MRO: variants seen among roughly 807,000 people sequenced by gnomAD.
MRO encodes maestro, also known as protein maestro.
MRO carries 28 observed loss-of-function variants against 31.0 expected under a neutral mutation model. That is an observed-to-expected ratio of 0.90 (90% CI 0.67 to 1.24). The LOEUF (loss-of-function observed/expected upper bound fraction) is 1.24. MRO is among the 50% of genes most tolerant of loss of function. The pLI is 0.00. For missense variants in MRO, 332 were observed against 289.2 expected (o/e 1.15, Z -1.07); for synonymous variants, 108 against 108.4 (o/e 1.00, Z 0.02).
chr18:50,795,333 T>C lies in MRO; in HGVS notation c.*4004A>G, dbSNP rs867654043. ...TCATTTTAAAAGGGCATTTTGCATG[T>C]GTTTTATAACTATGAAAGTAATACA... On this transcript the variant is annotated 3_prime_UTR_variant, in exon 8 of 8. Transcript: ENST00000398439. The C allele has an allele frequency of 2.6e-5, 4 of 152,224 alleles. No individual in the cohort carries two copies. Among genetic ancestry groups the C allele is most frequent in the Non-Finnish European group, 4.4e-5 (3 of 68,042 alleles). 9.4% of individuals were successfully genotyped at this position (152,224 alleles called of 1,614,324 possible).
At chr18:50,812,594 G>T (rs772823079) in intron 2 of MRO, among the ~76,000 whole-genome samples, 1 of 152,084 alleles carries the variant, frequency 6.6e-6, no homozygotes, top group African/African-American at 2.4e-5. Flanking sequence ...CACATCTAAG[G>T]TCATGAAGAT....
chr18:50,809,352 T>C lies in MRO; in HGVS notation c.49A>G (p.Thr17Ala), dbSNP rs1228176693. The C allele has an allele frequency of 6.2e-7, 1 of 1,613,634 alleles. No homozygotes were observed. The highest frequency in any genetic ancestry group is 1.7e-5 in the Admixed American group (1 of 59,984). The change falls in exon 3 of 8, where the codon ACT becomes GCT. Residue 17 changes from threonine to alanine, a missense_variant. By Grantham distance (58) the Thr-to-Ala change is moderately conservative. Transcript: ENST00000398439. ...GTCCTTTTCTGCTTGGGCTGGGAAG[T>C]AGGGATGGAAAGGGGCTGGCCCAGG... ...RILGQPLSIP[T>A]SQPKQKRTSM...
At chr18:50,814,568 C>T (rs925969466) in intron 2 of MRO, 7 of 209,066 alleles carry the variant, frequency 3.3e-5, no homozygotes, top group Admixed American at 2.9e-4. Context: ...GTGACTTACG[C>T]TCATGCAGCA....
At chr18:50,806,088 C>A (rs1290630697) in intron 4 of MRO, among the ~76,000 whole-genome samples, 1 of 151,994 alleles carries the variant, frequency 6.6e-6, no homozygotes, top group Non-Finnish European at 1.5e-5. Context: ...CATGCCTGGG[C>A]AATTTTTTGT....
chr18:50,810,363 G>A (rs897897961), intron 2 of MRO, among the ~76,000 whole-genome samples: 3 of 152,186 alleles, frequency 2.0e-5, no homozygotes, highest in Admixed American at 6.5e-5. Flanking sequence ...TAATCTCCAC[G>A]ATATACTGTT....
intron 2 of MRO, among the ~76,000 whole-genome samples, chr18:50,817,919 G>T (rs1915060228): frequency 6.6e-6 from 1 of 152,084 alleles, no homozygotes; most frequent in African/African-American, 2.4e-5. Flanking sequence ...AACAAATTAG[G>T]AGTTAAATCA....
rs918803378 is a variant in MRO at position 50,797,953 on chromosome 18, C to T, written c.*1384G>A. ...TCTCGCCTAGGTCTCTCCTCATCCC[C>T]GCATCTGTGTCACACCACCCTGTCC... On this transcript the variant is annotated 3_prime_UTR_variant, in exon 8 of 8. Coordinates refer to ENST00000398439, the MANE Select transcript of MRO (RefSeq NM_031939.6). 4.6e-5 allele frequency: 7 copies of T among 152,474 alleles called. No individual in the cohort carries two copies. Among genetic ancestry groups the T allele is most frequent in the African/African-American group, 9.6e-5 (4 of 41,460 alleles). The allele number at this position is 152,474 out of a possible 1,614,324, so 9.4% of individuals were successfully genotyped here. A position where few individuals can be genotyped will look rare whatever the true frequency, so the allele number is the denominator to read the frequency against.
In MRO at chr18:50,801,380, T is replaced by G; in HGVS notation, c.554A>C (p.His185Pro). The G allele has an allele frequency of 6.2e-7, 1 of 1,604,472 alleles. No homozygotes were observed. ...AACCTGGGGATTTCTGTCCTGTAAATGGATCAGGAGGGAATCTCGTGTCTG... is the reference window on the plus strand; with the variant it reads ...AACCTGGGGATTTCTGTCCTGTAAAGGGATCAGGAGGGAATCTCGTGTCTG... ...VKQTRDSLLI[H>P]LQDRNPQVAK... The change falls in exon 6 of 8, where the codon CAT (histidine) becomes CCT (proline). Residue 185 changes from histidine to proline, a missense_variant. Physicochemically the swap from His to Pro is moderately conservative, Grantham distance 77. Coordinates refer to ENST00000398439, the MANE Select transcript of MRO (RefSeq NM_031939.6).
upstream of MRO, among the ~76,000 whole-genome samples, chr18:50,820,272 T>C (rs572201068): frequency 7.2e-4 from 110 of 152,322 alleles, no homozygotes; most frequent in African/African-American, 2.6e-3. Flanking sequence ...TTGACGTCCC[T>C]TCCTGCTCAA....
At chr18:50,801,744 C>A (rs528454146) in intron 5 of MRO, among the ~76,000 whole-genome samples, 7 of 152,182 alleles carry the variant, frequency 4.6e-5, no homozygotes, top group African/African-American at 1.7e-4. Context: ...TCTTCTCCAG[C>A]AGACGAGAGG....
Position 50,812,583 on chromosome 18 carries a change from C to T in MRO, c.-4-3179G>A, listed in dbSNP as rs181441551. Among the ~76,000 whole-genome samples, 831 of 152,192 alleles carry T rather than the reference C, an allele frequency of 5.5e-3. 12 individuals carry two copies. The highest frequency in any genetic ancestry group is 0.019 in the African/African-American group (797 of 41,524). The stretch of plus-strand genomic sequence containing the variant: ...TAGTGTTAAATCTATGAATCTATTG[C>T]CACATCTAAGGTCATGAAGATTTAC... On this transcript the variant is annotated intron_variant, in intron 2 of 7. Coordinates refer to ENST00000398439, the MANE Select transcript of MRO (RefSeq NM_031939.6).
chr18:50,806,376 C>G (rs963101807), intron 4 of MRO, among the ~76,000 whole-genome samples: 2 of 152,208 alleles, frequency 1.3e-5, no homozygotes, highest in Admixed American at 1.3e-4. Flanking sequence ...ACAGAAACCT[C>G]TGTCCCACAA....
At chr18:50,822,456 A>T (rs1915339492), upstream of MRO, among the ~76,000 whole-genome samples, 1 of 152,150 alleles carries the variant, frequency 6.6e-6, no homozygotes, top group African/African-American at 2.4e-5. Flanking sequence ...CTTACGCCTC[A>T]GCCTACCGAG....
chr18:50,807,822 A>G (rs1179103888), intron 3 of MRO, among the ~76,000 whole-genome samples: 2 of 152,208 alleles, frequency 1.3e-5, no homozygotes, highest in African/African-American at 4.8e-5. Flanking sequence ...TCATGCCTGT[A>G]ATCCCAGCAC....
intron 3 of MRO, among the ~76,000 whole-genome samples, chr18:50,808,343 C>A (rs1331080780): frequency 6.6e-6 from 1 of 152,086 alleles, no homozygotes; most frequent in Non-Finnish European, 1.5e-5. Context: ...CCTAGAGGGG[C>A]AGACTGGCTT....
At position 50,819,630 on chromosome 18, in the gene MRO, G is replaced by A; in HGVS notation, c.-54C>T. On this transcript the variant is annotated 5_prime_UTR_variant, in exon 2 of 8. Transcript: ENST00000398439. ...ACGTGATGAACCGGAGCCCGTTCCT[G>A]ACTCGGGAGGGCTGCTTTCCCGGGT... 1 of 1,551,620 alleles carries A rather than the reference G, an allele frequency of 6.4e-7. No individual in the cohort carries two copies.
In MRO at chr18:50,795,902, T is replaced by G. The variant is rs1224973255; in HGVS notation, c.*3435A>C. On this transcript the variant is annotated 3_prime_UTR_variant, in exon 8 of 8. Coordinates refer to ENST00000398439, the MANE Select transcript of MRO (RefSeq NM_031939.6). Reference sequence around the variant, plus strand: ...TTGCAGTGAGCCGAGATCGTGTCATTGCACTCCAGCCTGGGTGACAGAGTG... The same window carrying G: ...TTGCAGTGAGCCGAGATCGTGTCATGGCACTCCAGCCTGGGTGACAGAGTG... The G allele has an allele frequency of 6.6e-6, 1 of 152,260 alleles. No homozygotes were observed. Among genetic ancestry groups the G allele is most frequent in the African/African-American group, 2.4e-5 (1 of 41,410 alleles). The allele number at this position is 152,260 out of a possible 1,614,324, so 9.4% of individuals were successfully genotyped here. A position where few individuals can be genotyped will look rare whatever the true frequency, so the allele number is the denominator to read the frequency against.
chr18:50,824,777 G>T (rs539550935), upstream of MRO, among the ~76,000 whole-genome samples: 17 of 136,148 alleles, frequency 1.2e-4, no homozygotes, highest in African/African-American at 4.5e-4. Context: ...TTAAAAAAAA[G>T]TTCAAAAAAA....
In MRO at chr18:50,806,703, C is replaced by A; in HGVS notation, c.246+1G>T. 1 of 1,614,124 alleles carries A rather than the reference C, an allele frequency of 6.2e-7. No individual in the cohort carries two copies. The highest frequency in any genetic ancestry group is 8.5e-7 in the Non-Finnish European group (1 of 1,180,028). On this transcript the variant is annotated splice_donor_variant, in intron 4 of 7. Coordinates refer to ENST00000398439, the MANE Select transcript of MRO (RefSeq NM_031939.6). LOFTEE classifies it high-confidence loss of function. ...GGCTGAGCCCCACTCTCCTTCCCTA[C>A]CTTGTCAGGGGCTTCATAGGCCATG...
Sources: allele counts gnomAD v4.1 joint callset (sites outside exome capture counted in the v4.1 genomes callset), GRCh38; gene constraint gnomAD v4.1.1; transcripts MANE v1.5; gene names NCBI Gene and HGNC (gene_info 2026-07-23, HGNC 2026-07-21).